Variants in EFCAB6 observed in about 807,000 individuals in gnomAD.
EFCAB6 encodes EF-hand calcium-binding domain-containing protein 6.
A neutral mutation model predicts 169.8 loss-of-function variants in EFCAB6; 156 were observed. That is an observed-to-expected ratio of 0.92 (90% confidence interval 0.81 to 1.05). The LOEUF is 1.05. EFCAB6 is among the 50% of genes least tolerant of loss of function. The probability of loss-of-function intolerance (pLI) is 0.00; values close to 1 mark genes in which losing one functional copy is unlikely to be tolerated. For synonymous variants in EFCAB6, 698 were observed against 676.4 expected (o/e 1.03, Z -0.50); for missense variants, 1,800 against 1,829.1 (o/e 0.98, Z 0.29).
At chr22:43,685,908 C>T (rs1288548228) in intron 11 of EFCAB6, among the ~76,000 whole-genome samples, 1 of 152,118 alleles carries the variant, frequency 6.6e-6, no homozygotes, top group Admixed American at 6.5e-5. Flanking sequence ...GTAAAGTGGC[C>T]TCTGAAGTGT....
chr22:43,669,242 C>T (rs1255110967), intron 15 of EFCAB6, among the ~76,000 whole-genome samples, 197 bp from the exon 16 acceptor site: 1 of 152,184 alleles, frequency 6.6e-6, no homozygotes, highest in Admixed American at 6.5e-5. Context: ...CAAATATATA[C>T]AGCTTTATTT....
chr22:43,542,129 G>A (rs981328151), intron 27 of EFCAB6, among the ~76,000 whole-genome samples: 5 of 152,390 alleles, frequency 3.3e-5, no homozygotes, highest in African/African-American at 1.2e-4. Flanking sequence ...TGAGGAGGCA[G>A]AAGATCATGC....
At chr22:43,636,668 C>T (rs183733849) in intron 17 of EFCAB6, among the ~76,000 whole-genome samples, 7 of 145,260 alleles carry the variant, frequency 4.8e-5, no homozygotes, top group East Asian at 4.1e-4. Context: ...TGGAGTGCAA[C>T]GGTGCTACCT....
chr22:43,797,265 G>A (rs1463217135), intron 2 of EFCAB6: 1 of 152,668 alleles, frequency 6.6e-6, no homozygotes, highest in Non-Finnish European at 1.5e-5. Flanking sequence ...TACTGCCTGA[G>A]AGGGTGCTGC....
Position 43,792,141 on chromosome 22 carries a change from G to A in EFCAB6, c.-7-9816C>T, listed in dbSNP as rs538789286. Among the ~76,000 whole-genome samples the A allele has an allele frequency of 3.3e-5, 5 of 152,308 alleles. No individual in the cohort carries two copies. In the East Asian group the frequency reaches 7.7e-4, roughly 24 times the overall value. On this transcript the variant is annotated intron_variant, in intron 2 of 31. Transcript: ENST00000262726. ...CAGGTCATCAGCAGCGAGTGAGGCTGGAAGAAGTGAGGCTCAGGATTGAGA... is the reference window on the plus strand; with the variant it reads ...CAGGTCATCAGCAGCGAGTGAGGCTAGAAGAAGTGAGGCTCAGGATTGAGA...
At chr22:43,543,660 A>T (rs1175481227) in intron 27 of EFCAB6, among the ~76,000 whole-genome samples, 3 of 152,256 alleles carry the variant, frequency 2.0e-5, no homozygotes, top group African/African-American at 7.2e-5. Flanking sequence ...TAGCCGCCAG[A>T]GACAGGAGGC....
Position 43,665,637 on chromosome 22 carries a change from T to C in EFCAB6, c.1983+1467A>G, listed in dbSNP as rs574541810. On this transcript the variant is annotated intron_variant, in intron 17 of 31. Coordinates refer to ENST00000262726, the MANE Select transcript of EFCAB6 (RefSeq NM_022785.4). ...TGGATGGAGTCAGATTGGCACTCGT[T>C]TAGTTTTCAGCCCCTGAAATTCAGC... Among the ~76,000 whole-genome samples, 7 of 152,266 alleles carry C rather than the reference T, an allele frequency of 4.6e-5. No individual in the cohort carries two copies. The South Asian group carries it at 1.5e-3, about 32-fold the overall frequency.
intron 24 of EFCAB6, among the ~76,000 whole-genome samples, chr22:43,588,847 T>C (rs2051253443): frequency 6.6e-6 from 1 of 152,056 alleles, no homozygotes; most frequent in African/African-American, 2.4e-5. Flanking sequence ...AGGGAAAAAG[T>C]GCTATGTAGA....
chr22:43,736,069 T>G (rs1348650003), intron 6 of EFCAB6, 76 bp from the exon 7 acceptor site: 2 of 1,349,462 alleles, frequency 1.5e-6, no homozygotes, highest in Non-Finnish European at 2.0e-6. Context: ...AATGTGAAAG[T>G]TTTTTTTAAT....
chr22:43,608,510 G>C lies in EFCAB6; in HGVS notation c.2653C>G (p.Pro885Ala), dbSNP rs755783337. Residue 885 changes from proline (P) to alanine (A), a missense_variant, in exon 22 of 32, where the codon CCA becomes GCA. Pro to Ala is a conservative substitution (Grantham distance 27, BLOSUM62 -1). Transcript: ENST00000262726. ...GCCCAAAGCTTTTCAAACTCTCTTGGTGTGAGGGGAATATCAAAACCGTAC... is the reference window on the plus strand; with the variant it reads ...GCCCAAAGCTTTTCAAACTCTCTTGCTGTGAGGGGAATATCAAAACCGTAC... ...ALYGFDIPLTPREFEKLWARY... is the reference protein window; with the variant it reads ...ALYGFDIPLTAREFEKLWARY... 2 of 1,614,026 alleles carry C rather than the reference G, an allele frequency of 1.2e-6. No individual in the cohort carries two copies. The highest frequency in any genetic ancestry group is 2.2e-5 in the South Asian group (2 of 91,084).
chr22:43,735,781 G>A, intron 7 of EFCAB6, 76 bp downstream of exon 7: 1 of 1,546,278 alleles, frequency 6.5e-7, no homozygotes, highest in South Asian at 1.2e-5. Flanking sequence ...TGGAGCCAAT[G>A]AACCCAACAG....
At chr22:43,655,757 C>A (rs541869104) in intron 17 of EFCAB6, among the ~76,000 whole-genome samples, 1 of 152,068 alleles carries the variant, frequency 6.6e-6, no homozygotes, top group South Asian at 2.1e-4. Flanking sequence ...GACTTGCTCT[C>A]AATAAGTAAC....
In EFCAB6 at chr22:43,635,195, G is replaced by A. The variant is rs138968641; in HGVS notation, c.2005C>T (p.Pro669Ser). 6 of 1,614,098 alleles carry A rather than the reference G, an allele frequency of 3.7e-6. No individual in the cohort carries two copies. The African/African-American group carries it at 8.0e-5, about 22-fold the overall frequency. The change falls in exon 18 of 32, where the codon CCC (proline) becomes TCC (serine). Residue 669 changes from proline (P) to serine (S), a missense_variant. By Grantham distance (74) the Pro-to-Ser change is moderately conservative. Coordinates refer to ENST00000262726, the MANE Select transcript of EFCAB6 (RefSeq NM_022785.4). ...FKKVLEDTGM[P>S]MDDDQYALLT... ...AGGGCATACTGATCATCGTCCATGGGCATCCCAGTGTCTTCCAGTACCTGA... is the reference window on the plus strand; with the variant it reads ...AGGGCATACTGATCATCGTCCATGGACATCCCAGTGTCTTCCAGTACCTGA...
chr22:43,599,972 C>T (rs555477960), intron 23 of EFCAB6, 97 bp downstream of exon 23: 1 of 1,306,682 alleles, frequency 7.7e-7, no homozygotes, highest in Admixed American at 2.2e-5. Context: ...GTAACTTTGC[C>T]AGCATGGGAA....
chr22:43,652,298 A>G (rs2056511684), intron 17 of EFCAB6, among the ~76,000 whole-genome samples: 1 of 152,092 alleles, frequency 6.6e-6, no homozygotes, highest in East Asian at 1.9e-4. Context: ...CTCCTGCACA[A>G]GCTCTCTCAT....
chr22:43,648,870 G>A (rs992282001), intron 17 of EFCAB6, among the ~76,000 whole-genome samples: 2 of 152,142 alleles, frequency 1.3e-5, no homozygotes, highest in African/African-American at 2.4e-5. Flanking sequence ...GAGCACTTAC[G>A]ATGTGCTAGG....
chr22:43,712,569 G>A (rs1050865092), intron 9 of EFCAB6, among the ~76,000 whole-genome samples: 2 of 152,150 alleles, frequency 1.3e-5, no homozygotes, highest in African/African-American at 2.4e-5. Context: ...TCATTAGAAA[G>A]GACCTAAGCT....
chr22:43,576,079 TA>T (rs2050237352), intron 26 of EFCAB6, among the ~76,000 whole-genome samples: 2 of 152,132 alleles, frequency 1.3e-5, no homozygotes, highest in South Asian at 4.1e-4. Context: ...CTTTGAAAAT[TA>T]AAATAAAATA....
chr22:43,785,862 A>T (rs909624158), intron 2 of EFCAB6, among the ~76,000 whole-genome samples: 1 of 152,206 alleles, frequency 6.6e-6, no homozygotes, highest in African/African-American at 2.4e-5. Flanking sequence ...AATACTATAC[A>T]CAACTGTATG....
Sources: allele counts gnomAD v4.1 joint callset (sites outside exome capture counted in the v4.1 genomes callset), GRCh38; gene constraint gnomAD v4.1.1; transcripts MANE v1.5; gene names NCBI Gene and HGNC (gene_info 2026-07-23, HGNC 2026-07-21).